The following TMEM132D variants were observed in gnomAD, a reference collection of about 807,000 sequenced individuals.
The protein encoded by TMEM132D is transmembrane protein 132D, also known as mature OL transmembrane protein.
TMEM132D carries 21 observed loss-of-function variants against 62.3 expected under a neutral mutation model. The ratio of observed to expected loss-of-function variants is 0.34; its 90% CI spans 0.24 to 0.49. The LOEUF (loss-of-function observed/expected upper bound fraction) is 0.49. TMEM132D is among the 20% of genes least tolerant of loss of function. TMEM132D has a pLI of 0.99. For missense variants in TMEM132D, 1,346 were observed against 1,402.8 expected (o/e 0.96, Z 0.65); for synonymous variants, 621 against 575.6 (o/e 1.08, Z -1.13).
At chr12:129,430,666 G>A (rs74681356) in intron 3 of TMEM132D, among the ~76,000 whole-genome samples, 85 of 152,182 alleles carry the variant, frequency 5.6e-4, no homozygotes, top group Non-Finnish European at 1.0e-3. Flanking sequence ...TTTCTCATCT[G>A]TGAAATGGTG....
chr12:129,619,720 T>A (rs567307857), intron 2 of TMEM132D, among the ~76,000 whole-genome samples: 2 of 152,358 alleles, frequency 1.3e-5, no homozygotes, highest in South Asian at 4.1e-4. Context: ...AACATGAGGA[T>A]CATCTGACAT....
At chr12:129,577,430 A>G (rs138466027) in intron 2 of TMEM132D, among the ~76,000 whole-genome samples, 5 of 148,246 alleles carry the variant, frequency 3.4e-5, no homozygotes, top group Middle Eastern at 3.6e-3. Flanking sequence ...ATAAATATAT[A>G]TCTATATTTA....
intron 1 of TMEM132D, among the ~76,000 whole-genome samples, chr12:129,823,476 T>C (rs923902336): frequency 3.3e-5 from 5 of 152,216 alleles, no homozygotes; most frequent in Non-Finnish European, 7.3e-5. Context: ...CCTCCTAAAA[T>C]CCACATTTCC....
chr12:129,786,706 C>T (rs1181270983), intron 1 of TMEM132D, among the ~76,000 whole-genome samples: 2 of 152,166 alleles, frequency 1.3e-5, no homozygotes, highest in Non-Finnish European at 2.9e-5. Context: ...GCCTGGCCAA[C>T]ATGGTGAAAC....
chr12:129,278,594 C>T (rs893041517), intron 4 of TMEM132D, among the ~76,000 whole-genome samples: 8 of 152,162 alleles, frequency 5.3e-5, no homozygotes. Context: ...GTTTGAATTC[C>T]TCTTTAGGAA....
At chr12:129,747,360 G>C (rs746517177) in intron 1 of TMEM132D, among the ~76,000 whole-genome samples, 4 of 151,910 alleles carry the variant, frequency 2.6e-5, no homozygotes, top group Non-Finnish European at 4.4e-5. Context: ...CCAATTGGTA[G>C]TTTCTCACTT....
At chr12:129,704,681 C>G (rs144844902) in intron 1 of TMEM132D, among the ~76,000 whole-genome samples, 1 of 146,500 alleles carries the variant, frequency 6.8e-6, no homozygotes, top group East Asian at 1.9e-4. Context: ...CCCAGGGATG[C>G]CGGGTCATAT....
At chr12:129,864,245 CCT>C (rs1285088618) in intron 1 of TMEM132D, among the ~76,000 whole-genome samples, 2 of 152,276 alleles carry the variant, frequency 1.3e-5, no homozygotes, top group African/African-American at 4.8e-5. Flanking sequence ...TTCTCCAGCC[CCT>C]GTCAGGCCTT....
chr12:129,146,874 G>C (rs1415324751), intron 5 of TMEM132D, among the ~76,000 whole-genome samples: 1 of 152,146 alleles, frequency 6.6e-6, no homozygotes, highest in East Asian at 1.9e-4. Context: ...AGGTACTGCT[G>C]TTATCTTCAT....
At chr12:129,729,031 A>G (rs1869131007) in intron 1 of TMEM132D, among the ~76,000 whole-genome samples, 1 of 152,200 alleles carries the variant, frequency 6.6e-6, no homozygotes, top group Non-Finnish European at 1.5e-5. Flanking sequence ...TTATGTAAAA[A>G]TCTTGACTTA....
In TMEM132D at chr12:129,072,852, C is replaced by G. The variant is rs2135600454; in HGVS notation, c.*1023G>C. The G allele has an allele frequency of 6.6e-6, 1 of 152,362 alleles. No individual in the cohort carries two copies. The highest frequency in any genetic ancestry group is 1.9e-4 in the East Asian group (1 of 5,178). The allele number at this position is 152,362 out of a possible 1,614,324, so 9.4% of individuals were successfully genotyped here. On this transcript the variant is annotated 3_prime_UTR_variant, in exon 9 of 9. Coordinates refer to ENST00000422113, the MANE Select transcript of TMEM132D (RefSeq NM_133448.3). ...TGTATATCCCCTGGTATGGAATTCA[C>G]CGTGACTACCGCCCATGCCTAGAGA...
intron 3 of TMEM132D, among the ~76,000 whole-genome samples, chr12:129,461,596 T>C (rs990436122): frequency 6.6e-6 from 1 of 152,034 alleles, no homozygotes; most frequent in Non-Finnish European, 1.5e-5. Flanking sequence ...GGTCTTCACA[T>C]CAAACTGGAA....
chr12:129,327,535 G>A (rs773449715), intron 4 of TMEM132D, among the ~76,000 whole-genome samples: 1 of 152,288 alleles, frequency 6.6e-6, no homozygotes, highest in Non-Finnish European at 1.5e-5. Flanking sequence ...ATTATAGAAC[G>A]TTTATATCAT....
intron 2 of TMEM132D, among the ~76,000 whole-genome samples, chr12:129,552,799 T>C (rs1303358207): frequency 6.6e-6 from 1 of 152,200 alleles, no homozygotes; most frequent in Non-Finnish European, 1.5e-5. Context: ...CTATTACGTA[T>C]CTATCTAGCA....
At chr12:129,737,579 C>T (rs1054549552) in intron 1 of TMEM132D, among the ~76,000 whole-genome samples, 3 of 152,196 alleles carry the variant, frequency 2.0e-5, no homozygotes, top group Middle Eastern at 3.4e-3. Flanking sequence ...ATTGTCTCAC[C>T]ACAACTGTGT....
intron 3 of TMEM132D, among the ~76,000 whole-genome samples, chr12:129,358,115 C>G (rs1254969489): frequency 1.3e-5 from 2 of 152,108 alleles, no homozygotes; most frequent in Non-Finnish European, 2.9e-5. Context: ...CTTGTGTCCT[C>G]TATTTCTATC....
chr12:129,514,499 G>A (rs1213327260), intron 3 of TMEM132D, among the ~76,000 whole-genome samples: 2 of 151,896 alleles, frequency 1.3e-5, no homozygotes, highest in African/African-American at 4.8e-5. Context: ...TAGAGCACAG[G>A]GGATTCTTAG....
chr12:129,471,192 G>A (rs556719912), intron 3 of TMEM132D, among the ~76,000 whole-genome samples: 98 of 142,062 alleles, frequency 6.9e-4, no homozygotes, highest in Non-Finnish European at 1.2e-3. Context: ...TCACTTTATC[G>A]TGTTTTGTAG....
At chr12:129,784,820 C>T (rs1048076833) in intron 1 of TMEM132D, among the ~76,000 whole-genome samples, 8 of 151,974 alleles carry the variant, frequency 5.3e-5, no homozygotes, top group African/African-American at 1.9e-4. Flanking sequence ...ATTTTCATGC[C>T]ACTGTCCATA....
Sources: allele counts gnomAD v4.1 joint callset (sites outside exome capture counted in the v4.1 genomes callset), GRCh38; gene constraint gnomAD v4.1.1; transcripts MANE v1.5; gene names NCBI Gene and HGNC (gene_info 2026-07-23, HGNC 2026-07-21).